SPG21: variants seen among roughly 807,000 people sequenced by gnomAD.
SPG21 encodes SPG21 abhydrolase domain containing, maspardin, also known as maspardin.
In SPG21, 26 loss-of-function variants were observed where a neutral mutation model predicts 38.9. The observed-to-expected ratio is 0.67, with a 90% confidence interval of 0.49 to 0.93. SPG21 has a LOEUF of 0.93. Among genes scored for constraint, SPG21 ranks in the 40% least tolerant of loss-of-function variants. The probability of loss-of-function intolerance (pLI) is 0.00; values close to 1 mark genes in which losing one functional copy is unlikely to be tolerated. For missense variants in SPG21, 333 were observed against 376.5 expected (o/e 0.88, Z 0.96); for synonymous variants, 136 against 128.9 (o/e 1.05, Z -0.37).
intron 1 of SPG21, among the ~76,000 whole-genome samples, chr15:64,987,862 C>T (rs982061436): frequency 6.6e-6 from 1 of 152,108 alleles, no homozygotes; most frequent in Non-Finnish European, 1.5e-5. Flanking sequence ...TGGTGCAGCC[C>T]CGTCTCTACT....
intron 3 of SPG21, 33 bp downstream of exon 3, chr15:64,980,831 A>G: frequency 6.2e-7 from 1 of 1,612,436 alleles, no homozygotes; most frequent in Non-Finnish European, 8.5e-7. Context: ...AACACACAAA[A>G]CGTGGGTCTG....
chr15:64,980,223 G>A (rs11071821), intron 3 of SPG21, among the ~76,000 whole-genome samples: 47,175 of 151,882 alleles, frequency 0.31, 8,444 homozygotes, highest in South Asian at 0.48. Flanking sequence ...TGTGTGAGCC[G>A]GACCTCAGTT....
In SPG21 at chr15:64,976,656, T is replaced by G. The variant is rs2085781409; in HGVS notation, c.226-101A>C. 26 of 841,126 alleles carry G rather than the reference T, an allele frequency of 3.1e-5. No individual in the cohort carries two copies. The South Asian group carries it at 3.6e-4, about 12-fold the overall frequency. 52.1% of individuals were successfully genotyped at this position (841,126 alleles called of 1,614,324 possible). ...GACTCAAACACTGACATTTCTCGTT[T>G]GCTCAAGCGCTGCTCCTTATTCAAA... On this transcript the variant is annotated intron_variant, in intron 3 of 8. Coordinates refer to ENST00000204566, the MANE Select transcript of SPG21 (RefSeq NM_016630.7).
chr15:64,963,723 T>C lies in SPG21; in HGVS notation c.824A>G (p.Gln275Arg). ...GGCCGCGTATTTGGTTCCATGGAAT[T>C]GCAGCAAATGTATCTGTTGAAATGC... is the stretch of plus-strand genomic sequence containing the variant. The part of the protein sequence containing the change: ...VNLYVQIHLL[Q>R]FHGTKYAAID... Residue 275 changes from glutamine (Q) to arginine (R), a missense_variant, in exon 9 of 9, where the codon CAA becomes CGA. Coordinates refer to ENST00000204566, the MANE Select transcript of SPG21 (RefSeq NM_016630.7). 6.2e-7 allele frequency: 1 copy of C among 1,613,858 alleles called. No homozygotes were observed. Among genetic ancestry groups the C allele is most frequent in the Non-Finnish European group, 8.5e-7 (1 of 1,179,794 alleles).
At chr15:64,973,460 T>G (rs756878953) in intron 5 of SPG21, among the ~76,000 whole-genome samples, 14 of 151,532 alleles carry the variant, frequency 9.2e-5, no homozygotes, top group Non-Finnish European at 2.1e-4. Flanking sequence ...TTTGGTTTGT[T>G]TTTTTTTTGA....
At chr15:64,981,233 G>T in intron 2 of SPG21, 5 of 551,680 alleles carry the variant, frequency 9.1e-6, no homozygotes, top group Non-Finnish European at 1.3e-5. Flanking sequence ...GAACTACTTA[G>T]AACTACTTTA....
Position 64,976,563 on chromosome 15 carries a change from A to C in SPG21, c.226-8T>G, listed in dbSNP as rs185847675. On this transcript the variant is annotated splice_region_variant and splice_polypyrimidine_tract_variant and intron_variant, in intron 3 of 8. Transcript: ENST00000204566. ...ATAAACTGGATACTGCAACTGAAAT[A>C]ATAACGATAATTTTATTTTTAAAAA... is the stretch of plus-strand genomic sequence containing the variant. 6.3e-6 allele frequency: 10 copies of C among 1,595,048 alleles called. No homozygotes were observed. The African/African-American group carries it at 1.3e-4, about 21-fold the overall frequency.
chr15:64,987,263 T>C (rs1188954417), intron 1 of SPG21: 1 of 152,256 alleles, frequency 6.6e-6, no homozygotes, highest in African/African-American at 2.4e-5. Flanking sequence ...CCGCTGTGAC[T>C]AAATTTTTGT....
intron 3 of SPG21, among the ~76,000 whole-genome samples, chr15:64,977,524 A>G (rs547499138): frequency 7.4e-4 from 112 of 152,022 alleles, no homozygotes; most frequent in African/African-American, 2.7e-3. Flanking sequence ...ATGCCTGGCT[A>G]ATTTTTATAT....
rs2085486258 is a variant in SPG21 at position 64,963,456 on chromosome 15, G to A, written c.*164C>T. 1 of 657,918 alleles carries A rather than the reference G, an allele frequency of 1.5e-6. No homozygotes were observed. Among genetic ancestry groups the A allele is most frequent in the African/African-American group, 1.8e-5 (1 of 55,766 alleles). 40.8% of individuals were successfully genotyped at this position (657,918 alleles called of 1,614,324 possible). ...AGGGAACAGTTACACAGGCTTAGTG[G>A]AGATGCCGCCTGTCATGAAGATGAC... On this transcript the variant is annotated 3_prime_UTR_variant, in exon 9 of 9. Transcript: ENST00000204566.
At chr15:64,971,066 A>G (rs1452018056) in intron 5 of SPG21, among the ~76,000 whole-genome samples, 2 of 152,182 alleles carry the variant, frequency 1.3e-5, no homozygotes, top group South Asian at 4.2e-4. Flanking sequence ...AAAAATTTAA[A>G]AAAAAACTTT....
rs975419064 is a variant in SPG21 at position 64,963,880 on chromosome 15, C to A, written c.811-144G>T. 10 of 677,388 alleles carry A rather than the reference C, an allele frequency of 1.5e-5. No individual in the cohort carries two copies. In the African/African-American group the frequency reaches 1.8e-4, roughly 12 times the overall value. 42.0% of individuals were successfully genotyped at this position (677,388 alleles called of 1,614,324 possible). On this transcript the variant is annotated intron_variant, in intron 8 of 8. Coordinates refer to ENST00000204566, the MANE Select transcript of SPG21 (RefSeq NM_016630.7). ...CACCCAATTCTCCTGCCTCAGCCTC[C>A]CGAGTAGCTGGGATTACAGGTGCCC...
intron 1 of SPG21, among the ~76,000 whole-genome samples, chr15:64,986,306 C>A (rs1041617697): frequency 1.3e-5 from 2 of 152,078 alleles, no homozygotes; most frequent in East Asian, 1.9e-4. Flanking sequence ...GCAGAGGTTG[C>A]GGTGAGCCAA....
intron 5 of SPG21, among the ~76,000 whole-genome samples, chr15:64,970,778 A>G (rs4407017): frequency 0.89 from 135,423 of 152,190 alleles, 61,250 homozygotes; most frequent in East Asian, 0.99. Flanking sequence ...TCAGTCAGTT[A>G]CCCATGCTGG....
At chr15:64,976,652 C>T (rs985598370) in intron 3 of SPG21, 97 bp from the exon 4 acceptor site, 3 of 880,230 alleles carry the variant, frequency 3.4e-6, no homozygotes, top group South Asian at 2.9e-5. Context: ...TGACATTTCT[C>T]GTTTGCTCAA....
intron 7 of SPG21, among the ~76,000 whole-genome samples, chr15:64,965,731 CT>C (rs796732000): frequency 3.1e-3 from 452 of 144,318 alleles, no homozygotes; most frequent in Middle Eastern, 3.6e-3. Flanking sequence ...GGGGGAAATT[CT>C]TTTTTTTTTT....
At chr15:64,969,227 C>A (rs1185754876) in intron 7 of SPG21, 28 bp downstream of exon 7, 2 of 1,400,462 alleles carry the variant, frequency 1.4e-6, no homozygotes, top group Admixed American at 3.4e-5. Context: ...AAAAGTAAAG[C>A]AGCTATTTTA....
chr15:64,987,982 C>T (rs1173074061), intron 1 of SPG21, among the ~76,000 whole-genome samples: 3 of 151,964 alleles, frequency 2.0e-5, no homozygotes, highest in East Asian at 1.9e-4. Context: ...TGCGGTGAGC[C>T]GAGATCACGC....
Position 64,973,738 on chromosome 15 carries a change from C to T in SPG21, c.452+864G>A, listed in dbSNP as rs540747667. On this transcript the variant is annotated intron_variant, in intron 5 of 8. Transcript: ENST00000204566. ...TGCTGGGATTACAGGTGTGAGCCACCGCACCCAGCCTCATTTCCACCATTT... is the reference window on the plus strand; with the variant it reads ...TGCTGGGATTACAGGTGTGAGCCACTGCACCCAGCCTCATTTCCACCATTT... Among the ~76,000 whole-genome samples, 101 of 152,204 alleles carry T rather than the reference C, an allele frequency of 6.6e-4. 1 individual carries two copies. Among genetic ancestry groups the T allele is most frequent in the Middle Eastern group, 6.8e-3 (2 of 294 alleles).
Sources: gnomAD v4.1 joint callset for allele counts (sites outside exome capture counted in the v4.1 genomes callset) on GRCh38, gnomAD v4.1.1 for gene constraint, MANE v1.5 for transcripts, NCBI Gene and HGNC (gene_info 2026-07-23, HGNC 2026-07-21) for gene names.